The following RBFOX1 variants were observed in gnomAD, a reference collection of about 807,000 sequenced individuals.
The protein encoded by RBFOX1 is RNA binding fox-1 homolog 1.
A neutral mutation model predicts 57.7 loss-of-function variants in RBFOX1; 8 were observed. The ratio of observed to expected loss-of-function variants is 0.14; its 90% CI spans 0.08 to 0.25. RBFOX1 has a LOEUF of 0.25. RBFOX1 is among the 10% of genes least tolerant of loss of function. RBFOX1 has a pLI of 1.00. For synonymous variants in RBFOX1, 326 were observed against 222.4 expected, an observed-to-expected ratio of 1.47 and a Z score of -4.15; for missense variants, 611 against 548.5, an observed-to-expected ratio of 1.11 and a Z score of -1.14.
At chr16:5,994,924 C>T (rs963095366) in intron 4 of RBFOX1, among the ~76,000 whole-genome samples, 3 of 152,164 alleles carry the variant, frequency 2.0e-5, no homozygotes, top group Non-Finnish European at 4.4e-5. Context: ...ATCAACTTGC[C>T]CACAGCAAAA....
intron 3 of RBFOX1, among the ~76,000 whole-genome samples, chr16:5,833,016 C>G (rs561101322): frequency 6.6e-6 from 1 of 152,272 alleles, no homozygotes; most frequent in South Asian, 2.1e-4. Flanking sequence ...CACCAACCCC[C>G]CAAAATGCAT....
At chr16:7,520,794 A>G (rs2077363727) in intron 5 of RBFOX1, among the ~76,000 whole-genome samples, 1 of 152,228 alleles carries the variant, frequency 6.6e-6, no homozygotes, top group Non-Finnish European at 1.5e-5. Context: ...AATAGTAGTA[A>G]TGCCTGGATA....
intron 4 of RBFOX1, among the ~76,000 whole-genome samples, chr16:7,406,359 G>A (rs1481711139): frequency 3.3e-5 from 5 of 152,146 alleles, no homozygotes; most frequent in Non-Finnish European, 7.3e-5. Context: ...AGAGTAAACC[G>A]AGGCCCAGAG....
At chr16:5,935,052 C>T (rs1257300432) in intron 4 of RBFOX1, among the ~76,000 whole-genome samples, 4 of 152,186 alleles carry the variant, frequency 2.6e-5, no homozygotes, top group South Asian at 2.1e-4. Context: ...AGTGTCTACA[C>T]CCTCAGCTTT....
chr16:6,942,978 A>C (rs1190534414), intron 3 of RBFOX1, among the ~76,000 whole-genome samples: 1 of 152,200 alleles, frequency 6.6e-6, no homozygotes, highest in African/African-American at 2.4e-5. Flanking sequence ...TTCGTGGTTG[A>C]AAAAAGCAAA....
At chr16:6,416,490 C>T (rs980492445) in intron 2 of RBFOX1, among the ~76,000 whole-genome samples, 4 of 151,848 alleles carry the variant, frequency 2.6e-5, no homozygotes, top group Non-Finnish European at 4.4e-5. Context: ...TTCTTTTTTT[C>T]GTTCCATTTT....
At chr16:5,591,586 C>G (rs527362434) in intron 2 of RBFOX1, among the ~76,000 whole-genome samples, 102 of 152,292 alleles carry the variant, frequency 6.7e-4, no homozygotes, top group African/African-American at 2.3e-3. Context: ...AGTTTCTTCT[C>G]TGTCTTCTGA....
chr16:7,445,228 G>A (rs1472576760), intron 4 of RBFOX1, among the ~76,000 whole-genome samples: 2 of 152,130 alleles, frequency 1.3e-5, no homozygotes, highest in South Asian at 2.1e-4. Flanking sequence ...GTATGAGTAT[G>A]AGTAAAATGA....
intron 3 of RBFOX1, among the ~76,000 whole-genome samples, chr16:6,717,522 A>G (rs1196431641): frequency 6.6e-6 from 1 of 152,172 alleles, no homozygotes; most frequent in South Asian, 2.1e-4. Context: ...TTTAACAACC[A>G]AAAATTGTGC....
At chr16:5,881,738 C>T (rs549740579) in intron 4 of RBFOX1, among the ~76,000 whole-genome samples, 1 of 152,166 alleles carries the variant, frequency 6.6e-6, no homozygotes, top group South Asian at 2.1e-4. Context: ...ATTTTCCCCC[C>T]AATGCTAGGT....
intron 14 of RBFOX1, among the ~76,000 whole-genome samples, chr16:7,687,235 A>G (rs2076259046): frequency 1.3e-5 from 2 of 152,068 alleles, no homozygotes; most frequent in South Asian, 2.1e-4. Context: ...GGTAAAAAAT[A>G]TGAATCTGAA....
intron 2 of RBFOX1, among the ~76,000 whole-genome samples, chr16:5,557,321 G>T (rs2045718271): frequency 6.6e-6 from 1 of 151,972 alleles, no homozygotes; most frequent in African/African-American, 2.4e-5. Flanking sequence ...CTGAAAGGTT[G>T]TTTGCGTTCC....
intron 4 of RBFOX1, among the ~76,000 whole-genome samples, chr16:5,931,399 G>T (rs375983522): frequency 1.6e-4 from 25 of 152,270 alleles, no homozygotes; most frequent in East Asian, 1.5e-3. Context: ...TGGGTCCTTT[G>T]TCTGAACCAC....
At chr16:6,132,326 C>A (rs1261725436) in intron 1 of RBFOX1, among the ~76,000 whole-genome samples, 1 of 152,136 alleles carries the variant, frequency 6.6e-6, no homozygotes, top group East Asian at 1.9e-4. Flanking sequence ...TGTGACTTGT[C>A]CATTGTTTCT....
In RBFOX1 at chr16:6,088,860, A is replaced by G. The variant is rs8057664; in HGVS notation, c.-127+68868A>G. ...GCCTGTAATCCCAGCACTTTGGGAG[A>G]CCAAGGCGGGCATATCAGGAGGTCA... is the stretch of plus-strand genomic sequence containing the variant. On this transcript the variant is annotated intron_variant, in intron 1 of 15. Coordinates refer to ENST00000550418, the MANE Select transcript of RBFOX1 (RefSeq NM_018723.4). Among the ~76,000 whole-genome samples, 804 of 152,018 alleles carry G rather than the reference A, an allele frequency of 5.3e-3. 3 individuals carry two copies. Among genetic ancestry groups the G allele is most frequent in the African/African-American group, 0.013 (557 of 41,466 alleles).
chr16:6,065,263 G>A (rs1416986323), intron 1 of RBFOX1, among the ~76,000 whole-genome samples: 1 of 150,180 alleles, frequency 6.7e-6, no homozygotes, highest in Non-Finnish European at 1.5e-5. Flanking sequence ...TCAAACTCCT[G>A]GTCTCAAGCA....
chr16:5,813,560 AG>A (rs1023697719), intron 3 of RBFOX1, among the ~76,000 whole-genome samples: 1 of 152,242 alleles, frequency 6.6e-6, no homozygotes, highest in Non-Finnish European at 1.5e-5. Flanking sequence ...CAGGCATAAA[AG>A]GTCACATATT....
intron 3 of RBFOX1, among the ~76,000 whole-genome samples, chr16:6,759,830 T>C (rs1052254999): frequency 6.6e-6 from 1 of 152,192 alleles, no homozygotes; most frequent in South Asian, 2.1e-4. Flanking sequence ...TTGTTTATAA[T>C]AGCAAGACAG....
chr16:6,901,755 T>C (rs1037910859), intron 3 of RBFOX1, among the ~76,000 whole-genome samples: 1 of 152,156 alleles, frequency 6.6e-6, no homozygotes, highest in Non-Finnish European at 1.5e-5. Context: ...TCAGACCCAG[T>C]AGAGATTAAC....
Sources: gnomAD v4.1 joint callset for allele counts (sites outside exome capture counted in the v4.1 genomes callset) on GRCh38, gnomAD v4.1.1 for gene constraint, MANE v1.5 for transcripts, NCBI Gene and HGNC (gene_info 2026-07-23, HGNC 2026-07-21) for gene names.